SBSPON: variants seen among roughly 807,000 people sequenced by gnomAD.
SBSPON encodes somatomedin-B and thrombospondin type-1 domain-containing protein.
Under a neutral mutation model 35.8 loss-of-function variants are expected in SBSPON, and 30 were observed. The ratio of observed to expected loss-of-function variants is 0.84; its 90% CI spans 0.63 to 1.14. The LOEUF is 1.14. Ranked by LOEUF, SBSPON falls within the 50% of genes most tolerant of loss-of-function variation. The pLI is 0.00. For missense variants in SBSPON, 364 were observed against 357.7 expected, an observed-to-expected ratio of 1.02 and a Z score of -0.14; for synonymous variants, 136 against 135.9, an observed-to-expected ratio of 1.00 and a Z score of 0.00.
At chr8:73,068,988 TG>T (rs1810443276) in intron 4 of SBSPON, among the ~76,000 whole-genome samples, 1 of 152,244 alleles carries the variant, frequency 6.6e-6, no homozygotes. Flanking sequence ...TGTCTGTGAC[TG>T]TTTTCCTGCT....
At chr8:73,090,290 G>A (rs1810906227) in intron 1 of SBSPON, among the ~76,000 whole-genome samples, 1 of 152,176 alleles carries the variant, frequency 6.6e-6, no homozygotes, top group Non-Finnish European at 1.5e-5. Flanking sequence ...TGACTTTAGA[G>A]GCAAAATTGA....
chr8:73,092,134 T>C (rs975008228), intron 1 of SBSPON, among the ~76,000 whole-genome samples: 2 of 152,168 alleles, frequency 1.3e-5, no homozygotes, highest in Non-Finnish European at 2.9e-5. Context: ...TGAGATACTG[T>C]GGGAAATTTA....
chr8:73,087,744 C>T (rs557407596), intron 1 of SBSPON, among the ~76,000 whole-genome samples: 151 of 152,304 alleles, frequency 9.9e-4, no homozygotes, highest in African/African-American at 3.6e-3. Flanking sequence ...GACACCAGCC[C>T]ATATAGGCTA....
chr8:73,087,523 G>GT (rs1020634042), intron 1 of SBSPON, among the ~76,000 whole-genome samples: 26 of 151,908 alleles, frequency 1.7e-4, no homozygotes, highest in African/African-American at 6.0e-4. Flanking sequence ...GGCCCCGCTC[G>GT]TTTTTTTTCT....
At chr8:73,081,808 C>T (rs1810710661) in intron 1 of SBSPON, among the ~76,000 whole-genome samples, 1 of 152,144 alleles carries the variant, frequency 6.6e-6, no homozygotes, top group Admixed American at 6.5e-5. Context: ...TTTTCTTTCT[C>T]CATGGCTTGT....
rs564985504 is a variant in SBSPON at position 73,065,825 on chromosome 8, G to A, written c.*1516C>T. 6.6e-6 allele frequency: 1 copy of A among 152,048 alleles called. No homozygotes were observed. The highest frequency in any genetic ancestry group is 1.5e-5 in the Non-Finnish European group (1 of 68,014). The allele number at this position is 152,048 out of a possible 1,614,324, so 9.4% of individuals were successfully genotyped here. The stretch of plus-strand genomic sequence containing the variant: ...TAACATTGGAAATTACCCAGACATA[G>A]CTTCAAAAATCTAGCTTAATAAATG... On this transcript the variant is annotated 3_prime_UTR_variant, in exon 5 of 5. Coordinates refer to ENST00000297354, the MANE Select transcript of SBSPON (RefSeq NM_153225.4).
At chr8:73,080,192 G>A (rs1810668326) in intron 2 of SBSPON, among the ~76,000 whole-genome samples, 1 of 152,132 alleles carries the variant, frequency 6.6e-6, no homozygotes, top group Non-Finnish European at 1.5e-5. Context: ...GTCTTGAGAG[G>A]AGGGGCAGGT....
chr8:73,075,824 G>A (rs1586092948), intron 2 of SBSPON: 2 of 744,332 alleles, frequency 2.7e-6, no homozygotes, highest in East Asian at 1.3e-4. Context: ...AATGCACATT[G>A]ATCTCCTTTT....
intron 2 of SBSPON, among the ~76,000 whole-genome samples, chr8:73,079,356 A>G (rs1810652019): frequency 1.3e-5 from 2 of 151,944 alleles, no homozygotes; most frequent in South Asian, 4.2e-4. Flanking sequence ...GCCCACCATA[A>G]GCCTCTGAAC....
intron 1 of SBSPON, chr8:73,085,356 T>C (rs1048369752): frequency 6.6e-6 from 1 of 152,196 alleles, no homozygotes; most frequent in Non-Finnish European, 1.5e-5. Flanking sequence ...TTTACTTTTA[T>C]TATCTGTGGC....
chr8:73,078,977 C>T (rs116996163), intron 2 of SBSPON, among the ~76,000 whole-genome samples: 2 of 152,276 alleles, frequency 1.3e-5, no homozygotes, highest in African/African-American at 2.4e-5. Flanking sequence ...CAATCGCATG[C>T]AGGCCTTGTG....
At chr8:73,087,927 G>A (rs1045935206) in intron 1 of SBSPON, among the ~76,000 whole-genome samples, 1 of 152,200 alleles carries the variant, frequency 6.6e-6, no homozygotes. Flanking sequence ...TTTCCAAGAA[G>A]TTCTTCCAGG....
At chr8:73,091,411 G>C (rs926370410) in intron 1 of SBSPON, among the ~76,000 whole-genome samples, 4 of 152,198 alleles carry the variant, frequency 2.6e-5, no homozygotes. Context: ...AGAGAGCAGA[G>C]ACTGCATCTT....
intron 2 of SBSPON, chr8:73,075,672 ATTTGC>A: frequency 6.9e-6 from 2 of 288,660 alleles, no homozygotes; most frequent in Non-Finnish European, 1.0e-5. Flanking sequence ...AGTAAATTAA[ATTTGC>A]TTTGAGAATT....
At position 73,064,834 on chromosome 8, in the gene SBSPON, T is replaced by C. The variant is rs1810358075; in HGVS notation, c.*2507A>G. On this transcript the variant is annotated 3_prime_UTR_variant, in exon 5 of 5. Coordinates refer to ENST00000297354, the MANE Select transcript of SBSPON (RefSeq NM_153225.4). ...TTCTTTTCCCTTCTTTCCTGGTGGC[T>C]GTATTTATTTTTGTTCGAATTATTT... 6.6e-6 allele frequency: 1 copy of C among 152,180 alleles called. No homozygotes were observed. The highest frequency in any genetic ancestry group is 1.5e-5 in the Non-Finnish European group (1 of 68,034). The allele number at this position is 152,180 out of a possible 1,614,324, so 9.4% of individuals were successfully genotyped here. A position where few individuals can be genotyped will look rare whatever the true frequency, so the allele number is the denominator to read the frequency against.
Position 73,069,890 on chromosome 8 carries a change from C to G in SBSPON, c.592G>C (p.Gly198Arg). 6.2e-7 allele frequency: 1 copy of G among 1,612,692 alleles called. No individual in the cohort carries two copies. The highest frequency in any genetic ancestry group is 8.5e-7 in the Non-Finnish European group (1 of 1,178,700). ...LTRWMQYLRE[G>R]YTVCVDCQPP... ...TGACAATCCACACACACCGTGTATC[C>G]CTCTCGGAGATACTGCATCCATCTA... Residue 198 changes from glycine (G) to arginine (R), a missense_variant, in exon 4 of 5, where the codon GGA (glycine) becomes CGA (arginine). Transcript: ENST00000297354.
At chr8:73,092,817 T>C (rs1298926945) in intron 1 of SBSPON, 37 bp downstream of exon 1, 1 of 1,550,642 alleles carries the variant, frequency 6.4e-7, no homozygotes, top group Admixed American at 1.7e-5. Context: ...GGTTGCAGGC[T>C]AACGGCCGGC....
intron 2 of SBSPON, among the ~76,000 whole-genome samples, chr8:73,078,369 G>A (rs901031333): frequency 7.2e-5 from 11 of 152,130 alleles, no homozygotes; most frequent in Non-Finnish European, 4.4e-5. Context: ...AATGCCAGCC[G>A]CCCTACCTCG....
At chr8:73,084,268 A>G (rs1204949282) in intron 1 of SBSPON, among the ~76,000 whole-genome samples, 2 of 152,238 alleles carry the variant, frequency 1.3e-5, no homozygotes, top group Non-Finnish European at 2.9e-5. Context: ...AGAATAAGTT[A>G]TATATCTCAG....
Sources: gnomAD v4.1 joint callset for allele counts (sites outside exome capture counted in the v4.1 genomes callset) on GRCh38, gnomAD v4.1.1 for gene constraint, MANE v1.5 for transcripts, NCBI Gene and HGNC (gene_info 2026-07-23, HGNC 2026-07-21) for gene names.